Variants in PIEZO2 observed in about 807,000 individuals in gnomAD.
The protein encoded by PIEZO2 is piezo-type mechanosensitive ion channel component 2.
PIEZO2 carries 172 observed loss-of-function variants against 337.3 expected under a neutral mutation model. The observed-to-expected ratio is 0.51, with a 90% CI of 0.45 to 0.58. The LOEUF (loss-of-function observed/expected upper bound fraction) is 0.58, where lower values mean the gene tolerates loss of function less well. PIEZO2 is among the 20% of genes least tolerant of loss of function. PIEZO2 has a pLI of 0.00. For missense variants in PIEZO2, 3,028 were observed against 3,391.3 expected, an observed-to-expected ratio of 0.89 and a Z score of 2.66; for synonymous variants, 1,251 against 1,228.5, an observed-to-expected ratio of 1.02 and a Z score of -0.38.
chr18:10,871,113 T>C, intron 5 of PIEZO2, 140 bp downstream of exon 5: 4 of 899,654 alleles, frequency 4.4e-6, no homozygotes, highest in Non-Finnish European at 6.5e-6. Flanking sequence ...GTCATGCAAT[T>C]TGACAGTAAA....
chr18:10,975,881 A>G (rs928758673), intron 3 of PIEZO2, among the ~76,000 whole-genome samples: 4 of 152,236 alleles, frequency 2.6e-5, no homozygotes, highest in African/African-American at 9.6e-5. Flanking sequence ...TGTCTTGAAC[A>G]TACAAAAAAC....
At chr18:11,095,869 A>T (rs78041204) in intron 1 of PIEZO2, among the ~76,000 whole-genome samples, 2,121 of 152,276 alleles carry the variant, frequency 0.014, 28 homozygotes, top group Non-Finnish European at 0.023. Context: ...ATGACTTCCA[A>T]AAATAATACT....
rs540416283 is a variant in PIEZO2, at chr18:10,769,842, G to A, written c.2946+306C>T. 4.2e-5 allele frequency: 10 copies of A among 239,258 alleles called. No individual in the cohort carries two copies. The East Asian group carries it at 7.5e-4, about 18-fold the overall frequency. The allele number at this position is 239,258 out of a possible 1,614,324, so 14.8% of individuals were successfully genotyped here. ...CTACTGTTTTCCTTGGAGAATTTAG[G>A]GAGATAGATTCCCATAGGCAGGGGC... On this transcript the variant is annotated intron_variant, in intron 21 of 55. Transcript: ENST00000674853.
chr18:10,815,937 A>T lies in PIEZO2; in HGVS notation c.918-8663T>A, dbSNP rs1355966309. 6.6e-6 allele frequency among the ~76,000 whole-genome samples: 1 copy of T among 152,174 alleles called. No individual in the cohort carries two copies. The highest frequency in any genetic ancestry group is 1.5e-5 in the Non-Finnish European group (1 of 68,026). ...ACAGGTCCACAAAATTGCACCCAGC[A>T]CACGTCAGTGGAGTGGAAACATCAT... is the stretch of plus-strand genomic sequence containing the variant. On this transcript the variant is annotated intron_variant, in intron 7 of 55. Coordinates refer to ENST00000674853, the MANE Select transcript of PIEZO2 (RefSeq NM_001378183.1). This position sits in a 1 kb window ranked among gnomAD's most constrained non-coding sequence, Gnocchi z 4.1.
At chr18:10,730,930 G>A (rs1476433365) in intron 36 of PIEZO2, among the ~76,000 whole-genome samples, 1 of 151,984 alleles carries the variant, frequency 6.6e-6, no homozygotes, top group East Asian at 1.9e-4. Context: ...GTTTCACCGC[G>A]TTAGCCAGGA....
At chr18:11,042,963 T>C (rs914777152) in intron 2 of PIEZO2, among the ~76,000 whole-genome samples, 1 of 152,196 alleles carries the variant, frequency 6.6e-6, no homozygotes, top group Non-Finnish European at 1.5e-5. Flanking sequence ...AATTTGGTTC[T>C]AAAGACAAAA....
rs886488962 is a variant in PIEZO2 at position 11,148,882 on chromosome 18, A to T, written c.-294T>A. 8.4e-6 allele frequency: 3 copies of T among 357,264 alleles called. No individual in the cohort carries two copies. The highest frequency in any genetic ancestry group is 6.5e-5 in the African/African-American group (3 of 46,480). 22.1% of individuals were successfully genotyped at this position (357,264 alleles called of 1,614,324 possible). On this transcript the variant is annotated 5_prime_UTR_variant, in exon 1 of 56. Coordinates refer to ENST00000674853, the MANE Select transcript of PIEZO2 (RefSeq NM_001378183.1). This position sits in a 1 kb window ranked among gnomAD's most constrained non-coding sequence, Gnocchi z 5.2. ...ATTTAGTGTGAATCCTGGATCCGGC[A>T]GCGGCGGCGGCTTCTTCAGGGGTAG...
chr18:10,699,004 T>A lies in PIEZO2; in HGVS notation c.6615A>T (p.Thr2205=), dbSNP rs1403954228. 2 of 1,537,058 alleles carry A rather than the reference T, an allele frequency of 1.3e-6. No individual in the cohort carries two copies. The highest frequency in any genetic ancestry group is 4.9e-5 in the East Asian group (2 of 40,910). The change falls in exon 44 of 56, where the codon ACA becomes ACT. Residue 2205 remains threonine (T), a synonymous_variant. Coordinates refer to ENST00000674853, the MANE Select transcript of PIEZO2 (RefSeq NM_001378183.1). The part of the protein sequence containing the change: ...SVHVTFPEQQ[T]AVRRKRSGSS... ...TGCCGGAGCGCTTCCTCCGGACAGC[T>A]GTCTGCTGCTCCGGGAAGGTCACAT...
chr18:11,096,067 A>G lies in PIEZO2; in HGVS notation c.65-29845T>C, dbSNP rs1344984976. ...AGGCAGCTTTGCCTCCACTGCATGG[A>G]AAGGGCTTGGAACCAGCGGAGCTGT... On this transcript the variant is annotated intron_variant, in intron 1 of 55. Coordinates refer to ENST00000674853, the MANE Select transcript of PIEZO2 (RefSeq NM_001378183.1). The surrounding 1 kb of genome is among the most constrained non-coding windows in gnomAD (Gnocchi z 4.6). 6.6e-6 allele frequency among the ~76,000 whole-genome samples: 1 copy of G among 152,196 alleles called. No individual in the cohort carries two copies. The highest frequency in any genetic ancestry group is 1.5e-5 in the Non-Finnish European group (1 of 68,038).
At chr18:10,896,853 CTACTGCCAAA>C (rs2042915439) in intron 4 of PIEZO2, among the ~76,000 whole-genome samples, 2 of 152,188 alleles carry the variant, frequency 1.3e-5, no homozygotes, top group Non-Finnish European at 2.9e-5. Flanking sequence ...TGCTCACCAC[CTACTGCCAAA>C]AAGAGTTGGG....
chr18:10,935,205 G>T (rs2032320355), intron 3 of PIEZO2, among the ~76,000 whole-genome samples: 1 of 152,198 alleles, frequency 6.6e-6, no homozygotes, highest in South Asian at 2.1e-4. Flanking sequence ...CTTGGGGAAA[G>T]TATGCTGTGG....
intron 1 of PIEZO2, among the ~76,000 whole-genome samples, chr18:11,135,931 AATAG>A (rs1332803081): frequency 1.3e-5 from 2 of 152,240 alleles, no homozygotes; most frequent in Non-Finnish European, 2.9e-5. Flanking sequence ...GATCTACTGG[AATAG>A]ATAACCAACT....
intron 7 of PIEZO2, among the ~76,000 whole-genome samples, chr18:10,839,842 C>T (rs1178638829): frequency 6.6e-6 from 1 of 151,954 alleles, no homozygotes; most frequent in Non-Finnish European, 1.5e-5. Context: ...TGTGCTGTAA[C>T]GGGGAAAGCA....
At chr18:11,120,091 G>A (rs1046316915) in intron 1 of PIEZO2, among the ~76,000 whole-genome samples, 2 of 152,164 alleles carry the variant, frequency 1.3e-5, no homozygotes, top group African/African-American at 2.4e-5. Context: ...TGGTCGTGTT[G>A]CAATCATATT....
intron 1 of PIEZO2, among the ~76,000 whole-genome samples, chr18:11,142,778 C>CAAAA (rs11290889): frequency 0.19 from 21,852 of 115,482 alleles, 2,241 homozygotes; most frequent in East Asian, 0.43. Flanking sequence ...GAGATTATCG[C>CAAAA]AAAAAAAAAA....
chr18:10,786,813 G>A (rs2039239959), intron 16 of PIEZO2, among the ~76,000 whole-genome samples: 1 of 150,990 alleles, frequency 6.6e-6, no homozygotes, highest in South Asian at 2.2e-4. Flanking sequence ...ATTAGAAAAT[G>A]TCATTTCATT....
At chr18:10,976,335 G>A (rs1265538426) in intron 3 of PIEZO2, among the ~76,000 whole-genome samples, 2 of 152,122 alleles carry the variant, frequency 1.3e-5, no homozygotes, top group Admixed American at 6.6e-5. Context: ...GAGCCAATGC[G>A]ATTACAGGCA....
At chr18:11,138,959 A>C (rs1193266478) in intron 1 of PIEZO2, among the ~76,000 whole-genome samples, 2 of 152,200 alleles carry the variant, frequency 1.3e-5, no homozygotes, top group Admixed American at 6.5e-5. Context: ...TCGTAAGCTG[A>C]TTGGTTCTCT....
chr18:10,689,871 C>T (rs1000058555), intron 48 of PIEZO2, 69 bp from the exon 49 acceptor site: 30 of 1,532,626 alleles, frequency 2.0e-5, no homozygotes, highest in Non-Finnish European at 2.3e-5. Flanking sequence ...CACCCAGGAG[C>T]TCAAGCAGTT....
Sources: gnomAD v4.1 joint callset for allele counts (sites outside exome capture counted in the v4.1 genomes callset) on GRCh38, gnomAD v4.1.1 for gene constraint, Gnocchi (gnomAD v3.1) non-coding constraint, MANE v1.5 for transcripts, NCBI Gene and HGNC (gene_info 2026-07-23, HGNC 2026-07-21) for gene names.